Variants in CGNL1 observed in about 807,000 individuals in gnomAD.
CGNL1 encodes the protein cingulin-like protein 1.
CGNL1 carries 132 observed loss-of-function variants against 141.2 expected under a neutral mutation model. That is an observed-to-expected ratio of 0.93 (90% CI 0.81 to 1.08). CGNL1 has a LOEUF of 1.08. CGNL1 is among the 50% of genes least tolerant of loss of function. The pLI is 0.00. For missense variants in CGNL1, 1,870 were observed against 1,588.6 expected, an observed-to-expected ratio of 1.18 and a Z score of -3.01; for synonymous variants, 690 against 622.1, an observed-to-expected ratio of 1.11 and a Z score of -1.63.
rs146553128 is a variant in CGNL1 at position 57,425,473 on chromosome 15, G to A, written c.-15-12512G>A. ...TATCTACATTCAGGCCAGGTGCACTGGCTCACGCCTTGTAATCTCAGCACT... is the reference window on the plus strand; with the variant it reads ...TATCTACATTCAGGCCAGGTGCACTAGCTCACGCCTTGTAATCTCAGCACT... On this transcript the variant is annotated intron_variant, in intron 1 of 18. Transcript: ENST00000281282. 4.0e-3 allele frequency among the ~76,000 whole-genome samples: 610 copies of A among 152,360 alleles called. 6 individuals are homozygous for A. Among genetic ancestry groups the A allele is most frequent in the African/African-American group, 0.014 (578 of 41,592 alleles).
At chr15:57,477,234 T>C (rs2063668045) in intron 8 of CGNL1, among the ~76,000 whole-genome samples, 1 of 151,776 alleles carries the variant, frequency 6.6e-6, no homozygotes, top group African/African-American at 2.4e-5. Context: ...GCATTAGAGA[T>C]AGATCTGAAA....
intron 10 of CGNL1, 23 bp downstream of exon 10, chr15:57,518,520 A>G (rs577015793): frequency 6.6e-7 from 1 of 1,511,432 alleles, no homozygotes; most frequent in East Asian, 2.3e-5. Flanking sequence ...GGCTGTTGTC[A>G]TTACTCCCTC....
chr15:57,476,900 A>G (rs2152353724), intron 8 of CGNL1, among the ~76,000 whole-genome samples: 1 of 152,352 alleles, frequency 6.6e-6, no homozygotes, highest in South Asian at 2.1e-4. Context: ...AGCTTGTTCC[A>G]TTCCTCAGGA....
intron 4 of CGNL1, among the ~76,000 whole-genome samples, chr15:57,448,530 C>G (rs1202002172): frequency 1.3e-5 from 2 of 151,890 alleles, no homozygotes; most frequent in African/African-American, 4.8e-5. Context: ...CACCTGTAAC[C>G]CCAGCTATTT....
At chr15:57,447,792 TTCTC>T (rs2063272826) in intron 4 of CGNL1, among the ~76,000 whole-genome samples, 1 of 146,906 alleles carries the variant, frequency 6.8e-6, no homozygotes, top group African/African-American at 2.5e-5. Flanking sequence ...TTGTGCTCTA[TTCTC>T]TCTCTTTTCG....
At chr15:57,539,267 G>A (rs186645455) in intron 14 of CGNL1, among the ~76,000 whole-genome samples, 2 of 151,706 alleles carry the variant, frequency 1.3e-5, no homozygotes, top group African/African-American at 4.8e-5. Flanking sequence ...TCCCTTTCTT[G>A]CCTCTACCTT....
At chr15:57,538,645 G>C (rs1310721715) in intron 14 of CGNL1, among the ~76,000 whole-genome samples, 1 of 152,214 alleles carries the variant, frequency 6.6e-6, no homozygotes, top group African/African-American at 2.4e-5. Context: ...GAGGGTGCAA[G>C]ACTGTGGCCA....
At chr15:57,420,843 C>A (rs1362519516) in intron 1 of CGNL1, among the ~76,000 whole-genome samples, 1 of 152,154 alleles carries the variant, frequency 6.6e-6, no homozygotes, top group Non-Finnish European at 1.5e-5. Flanking sequence ...GTGAACAATT[C>A]GTTTTCTATC....
intron 17 of CGNL1, 36 bp from the exon 18 acceptor site, chr15:57,546,040 C>T (rs746544436): frequency 1.9e-6 from 3 of 1,591,238 alleles, no homozygotes; most frequent in Non-Finnish European, 2.6e-6. Context: ...GCTGGGCCAT[C>T]AGCCGGCACT....
intron 13 of CGNL1, 161 bp downstream of exon 13, chr15:57,528,976 G>A: frequency 1.5e-6 from 1 of 677,658 alleles, no homozygotes. Context: ...TTGAAGGAAG[G>A]GGCCAGTCAT....
chr15:57,480,213 T>C (rs1421989819), intron 8 of CGNL1, among the ~76,000 whole-genome samples: 1 of 151,422 alleles, frequency 6.6e-6, no homozygotes, highest in African/African-American at 2.4e-5. Flanking sequence ...ATCCACAGCA[T>C]TGAGCATGGG....
chr15:57,500,044 G>A (rs1001266517), intron 8 of CGNL1, among the ~76,000 whole-genome samples: 4 of 152,186 alleles, frequency 2.6e-5, no homozygotes, highest in African/African-American at 9.7e-5. Context: ...GTGGTGAGGT[G>A]TGTATTGGAG....
intron 1 of CGNL1, 32 bp from the exon 2 acceptor site, chr15:57,437,953 T>G: frequency 6.5e-7 from 1 of 1,545,466 alleles, no homozygotes; most frequent in Non-Finnish European, 8.7e-7. Flanking sequence ...TCTAACCTAA[T>G]GTCCTCTTTT....
At chr15:57,385,568 C>G (rs567601521) in intron 1 of CGNL1, among the ~76,000 whole-genome samples, 1 of 152,200 alleles carries the variant, frequency 6.6e-6, no homozygotes, top group Non-Finnish European at 1.5e-5. Context: ...AGGTCTCATT[C>G]ACTTGGATTG....
intron 4 of CGNL1, among the ~76,000 whole-genome samples, chr15:57,449,166 T>A (rs1210402948): frequency 6.6e-6 from 1 of 152,212 alleles, no homozygotes; most frequent in Non-Finnish European, 1.5e-5. Context: ...TGCCTCCTAA[T>A]AGGTCTTCTC....
chr15:57,417,926 C>T (rs540993995), intron 1 of CGNL1, among the ~76,000 whole-genome samples: 2 of 152,300 alleles, frequency 1.3e-5, no homozygotes, highest in African/African-American at 2.4e-5. Flanking sequence ...GTGGCAGACA[C>T]TGTCTTCAGC....
intron 13 of CGNL1, among the ~76,000 whole-genome samples, chr15:57,529,686 C>G (rs2031847034): frequency 6.6e-6 from 1 of 151,982 alleles, no homozygotes; most frequent in African/African-American, 2.4e-5. Flanking sequence ...TAGTCTCAGT[C>G]TTTTCAGAGA....
chr15:57,485,086 C>G (rs1194311959), intron 8 of CGNL1, among the ~76,000 whole-genome samples: 1 of 151,804 alleles, frequency 6.6e-6, no homozygotes, highest in Non-Finnish European at 1.5e-5. Context: ...TTTCTAGTAT[C>G]AACATTTAAT....
chr15:57,503,716 C>G (rs1352199915), intron 8 of CGNL1, among the ~76,000 whole-genome samples: 2 of 152,200 alleles, frequency 1.3e-5, no homozygotes, highest in South Asian at 2.1e-4. Context: ...AGAATTATGG[C>G]AGGAGGCAAA....
Sources: gnomAD v4.1 joint callset for allele counts (sites outside exome capture counted in the v4.1 genomes callset) on GRCh38, gnomAD v4.1.1 for gene constraint, MANE v1.5 for transcripts, NCBI Gene and HGNC (gene_info 2026-07-23, HGNC 2026-07-21) for gene names.